Variants in SCUBE1 observed in about 807,000 individuals in gnomAD.
The protein encoded by SCUBE1 is signal peptide, CUB and EGF-like domain-containing protein 1.
SCUBE1 carries 59 observed loss-of-function variants against 124.4 expected under a neutral mutation model. The ratio of observed to expected loss-of-function variants is 0.47; its 90% CI spans 0.38 to 0.59. The LOEUF is 0.59. Among genes scored for constraint, SCUBE1 ranks in the 20% least tolerant of loss-of-function variants. The probability of loss-of-function intolerance (pLI) is 0.00; values close to 1 mark genes in which losing one functional copy is unlikely to be tolerated. For missense variants in SCUBE1, 1,150 were observed against 1,371.2 expected (o/e 0.84, Z 2.55); for synonymous variants, 545 against 550.9 (o/e 0.99, Z 0.15).
chr22:43,290,960 C>T (rs1569015757), intron 4 of SCUBE1, 86 bp downstream of exon 4: 4 of 1,415,646 alleles, frequency 2.8e-6, no homozygotes, highest in Non-Finnish European at 3.8e-6. Context: ...ACCTTGAGGG[C>T]CCCAGAATTG....
chr22:43,283,652 G>T (rs944710166), intron 4 of SCUBE1: 1 of 152,186 alleles, frequency 6.6e-6, no homozygotes, highest in Non-Finnish European at 1.5e-5. Flanking sequence ...CATAAATGGC[G>T]TGGAGCCACA....
chr22:43,217,190 C>A (rs531242122), intron 15 of SCUBE1, among the ~76,000 whole-genome samples: 4 of 149,684 alleles, frequency 2.7e-5, no homozygotes, highest in Non-Finnish European at 5.9e-5. Context: ...TCTCCTCCGG[C>A]TTCCCAGTTT....
At chr22:43,321,589 G>T (rs1273461682) in intron 2 of SCUBE1, among the ~76,000 whole-genome samples, 2 of 151,678 alleles carry the variant, frequency 1.3e-5, no homozygotes, top group South Asian at 4.1e-4. Context: ...CTTGGTGTCC[G>T]TGCAGCCACT....
chr22:43,292,278 G>C (rs1447721583), intron 3 of SCUBE1, among the ~76,000 whole-genome samples: 1 of 152,178 alleles, frequency 6.6e-6, no homozygotes, highest in Non-Finnish European at 1.5e-5. Context: ...CTCTCGGGGA[G>C]AGGCAGACCT....
At chr22:43,289,184 T>C (rs1057252444) in intron 4 of SCUBE1, among the ~76,000 whole-genome samples, 2 of 152,236 alleles carry the variant, frequency 1.3e-5, no homozygotes, top group Non-Finnish European at 2.9e-5. Context: ...GCAGTCACTC[T>C]GTGAACTCCC....
chr22:43,309,577 C>T (rs1417522541), intron 3 of SCUBE1, among the ~76,000 whole-genome samples: 1 of 152,044 alleles, frequency 6.6e-6, no homozygotes, highest in Non-Finnish European at 1.5e-5. Context: ...CATGTAGAAA[C>T]CCTCACATTT....
intron 6 of SCUBE1, 38 bp from the exon 7 acceptor site, chr22:43,238,992 G>C: frequency 6.5e-7 from 1 of 1,529,460 alleles, no homozygotes; most frequent in Non-Finnish European, 9.0e-7. Flanking sequence ...AGTTTCCTTG[G>C]ACAGAAGCCA....
At chr22:43,236,764 CA>C (rs967373372) in intron 7 of SCUBE1, among the ~76,000 whole-genome samples, 39 of 152,324 alleles carry the variant, frequency 2.6e-4, no homozygotes, top group African/African-American at 7.9e-4. Flanking sequence ...CTCTATCCCA[CA>C]CCAAGCAGCC....
At chr22:43,310,591 C>T (rs535617745) in intron 3 of SCUBE1, among the ~76,000 whole-genome samples, 52 of 152,302 alleles carry the variant, frequency 3.4e-4, no homozygotes, top group African/African-American at 1.2e-3. Context: ...CCCCAGACAC[C>T]GTGGAGCAGA....
intron 3 of SCUBE1, among the ~76,000 whole-genome samples, chr22:43,291,660 C>T (rs372159764): frequency 4.6e-4 from 70 of 152,304 alleles, no homozygotes; most frequent in African/African-American, 1.7e-3. Flanking sequence ...TATACTGGTA[C>T]AGCGGGACTC....
intron 16 of SCUBE1, 50 bp downstream of exon 16, chr22:43,214,040 A>AGGGGGGGGGGGGGGG: frequency 1.8e-6 from 1 of 567,076 alleles, no homozygotes; most frequent in Non-Finnish European, 2.9e-6. Flanking sequence ...AGACAGGAGG[A>AGGGGGGGGGGGGGGG]GCCCCCGCCC....
At position 43,343,342 on chromosome 22, in the gene SCUBE1, C is replaced by G. The variant is rs1358469684; in HGVS notation, c.-81G>C. 4.8e-6 allele frequency: 3 copies of G among 624,570 alleles called. No individual in the cohort carries two copies. The highest frequency in any genetic ancestry group is 7.2e-5 in the South Asian group (1 of 13,802). 38.7% of individuals were successfully genotyped at this position (624,570 alleles called of 1,614,324 possible). ...ACCGGCCGCTCCCGCAGGCGCTGCTCGCTGCTCGCCGCTCCGCCACCGCTC... is the reference window on the plus strand; with the variant it reads ...ACCGGCCGCTCCCGCAGGCGCTGCTGGCTGCTCGCCGCTCCGCCACCGCTC... On this transcript the variant is annotated 5_prime_UTR_variant, in exon 1 of 22. Transcript: ENST00000360835.
At chr22:43,247,672 G>C (rs1031981805) in intron 6 of SCUBE1, among the ~76,000 whole-genome samples, 1 of 152,258 alleles carries the variant, frequency 6.6e-6, no homozygotes, top group African/African-American at 2.4e-5. Flanking sequence ...TCCAACTAGA[G>C]AGAGGCAAGG....
chr22:43,222,856 C>A, intron 11 of SCUBE1, 114 bp from the exon 12 acceptor site: 1 of 965,952 alleles, frequency 1.0e-6, no homozygotes, highest in Non-Finnish European at 1.5e-6. Context: ...ACAGATTCTT[C>A]TGCCAGTTTC....
chr22:43,326,627 G>A (rs566789209), intron 2 of SCUBE1, among the ~76,000 whole-genome samples: 2 of 152,208 alleles, frequency 1.3e-5, no homozygotes, highest in South Asian at 2.1e-4. Context: ...CAAAGGGCAC[G>A]TAAAACTAAC....
At chr22:43,318,844 C>T (rs1334440588) in intron 3 of SCUBE1, among the ~76,000 whole-genome samples, 1 of 152,154 alleles carries the variant, frequency 6.6e-6, no homozygotes, top group Non-Finnish European at 1.5e-5. Flanking sequence ...ACCCTCCTAC[C>T]TCAGCCTCCC....
chr22:43,223,045 G>A (rs943186860), intron 11 of SCUBE1, 52 bp downstream of exon 11: 4 of 1,498,130 alleles, frequency 2.7e-6, no homozygotes, highest in Non-Finnish European at 3.6e-6. Flanking sequence ...GGGACCCCAG[G>A]GAGGAAGACC....
intron 3 of SCUBE1, among the ~76,000 whole-genome samples, chr22:43,295,885 C>A (rs1398306518): frequency 6.6e-6 from 1 of 152,188 alleles, no homozygotes; most frequent in East Asian, 1.9e-4. Flanking sequence ...CTGGAAGAGG[C>A]GAAGTACAAG....
intron 2 of SCUBE1, among the ~76,000 whole-genome samples, chr22:43,338,334 T>C (rs1005801696): frequency 6.6e-6 from 1 of 152,122 alleles, no homozygotes; most frequent in Non-Finnish European, 1.5e-5. Context: ...GAGAGACAGA[T>C]GGCACAAATC....
Sources: gnomAD v4.1 joint callset for allele counts (sites outside exome capture counted in the v4.1 genomes callset) on GRCh38, gnomAD v4.1.1 for gene constraint, MANE v1.5 for transcripts, NCBI Gene and HGNC (gene_info 2026-07-23, HGNC 2026-07-21) for gene names.